Variants in CASD1 observed in about 807,000 individuals in gnomAD.
CASD1 encodes the protein N-acetylneuraminate (7)9-O-acetyltransferase.
In CASD1, 41 loss-of-function variants were observed where a neutral mutation model predicts 100.0. The observed-to-expected ratio is 0.41, with a 90% CI of 0.32 to 0.53. The LOEUF is 0.53. Among genes scored for constraint, CASD1 ranks in the 20% least tolerant of loss-of-function variants. The pLI is 0.25. For missense variants in CASD1, 774 were observed against 948.7 expected (o/e 0.82, Z 2.42); for synonymous variants, 321 against 315.6 (o/e 1.02, Z -0.18).
intron 9 of CASD1, 110 bp downstream of exon 9, chr7:94,538,004 G>A: frequency 1.5e-6 from 1 of 660,648 alleles, no homozygotes; most frequent in Non-Finnish European, 2.5e-6. Context: ...CAGGTATAGA[G>A]ATGAAGATGA....
the CASD1 span, among the ~76,000 whole-genome samples, chr7:94,579,239 A>AG: frequency 1.3e-5 from 2 of 151,848 alleles, no homozygotes; most frequent in South Asian, 4.2e-4. Context: ...AAAAAAGGAA[A>AG]GGGGGTATGT....
At chr7:94,633,684 G>A in the CASD1 span, among the ~76,000 whole-genome samples, 1 of 152,130 alleles carries the variant, frequency 6.6e-6, no homozygotes, top group Non-Finnish European at 1.5e-5. Flanking sequence ...TAATAGTCCA[G>A]TGGAAACTCT....
downstream of CASD1, among the ~76,000 whole-genome samples, chr7:94,559,963 A>G (rs1166465868): frequency 6.6e-6 from 1 of 152,208 alleles, no homozygotes. Context: ...AGCTTATACT[A>G]TCATTCAGTA....
the CASD1 span, chr7:94,585,562 G>T: frequency 2.3e-6 from 3 of 1,310,812 alleles, no homozygotes; most frequent in Non-Finnish European, 3.3e-6. Context: ...TCAGGGCATG[G>T]ATACTTTTAG....
chr7:94,624,402 A>G, the CASD1 span: 2 of 392,906 alleles, frequency 5.1e-6, no homozygotes, highest in East Asian at 7.2e-5. Flanking sequence ...AGAATTTTGA[A>G]ATAAATAATT....
At chr7:94,554,300 TC>T (rs1796099480) in intron 16 of CASD1, 182 bp from the exon 17 acceptor site, 3 of 478,406 alleles carry the variant, frequency 6.3e-6, no homozygotes, top group African/African-American at 1.9e-5. Flanking sequence ...TGTTGAGAAA[TC>T]CAGTTTGGGT....
the CASD1 span, among the ~76,000 whole-genome samples, chr7:94,609,289 G>A: frequency 5.9e-5 from 9 of 152,394 alleles, no homozygotes; most frequent in Non-Finnish European, 1.3e-4. Context: ...CACTTTTGGA[G>A]GCCAAGGTGG....
chr7:94,519,501 G>C (rs897306110), intron 3 of CASD1, among the ~76,000 whole-genome samples: 9 of 152,102 alleles, frequency 5.9e-5, no homozygotes, highest in Non-Finnish European at 1.3e-4. Flanking sequence ...TTCCATGTGA[G>C]AATGAGAATA....
downstream of CASD1, among the ~76,000 whole-genome samples, chr7:94,559,211 G>T (rs1035673008): frequency 6.6e-6 from 1 of 151,156 alleles, no homozygotes; most frequent in Non-Finnish European, 1.5e-5. Flanking sequence ...TATTTAACTG[G>T]CATTCAATGT....
In CASD1 at chr7:94,556,793, T is replaced by C. The variant is rs944257967; in HGVS notation, c.*1035T>C. On this transcript the variant is annotated 3_prime_UTR_variant, in exon 18 of 18. Transcript: ENST00000297273. ...TTTTGTTTGATTTTTTTTTACAAGC[T>C]AACTGTTAGAGGTATACATTTATTT... The C allele has an allele frequency of 3.3e-5, 5 of 152,054 alleles. No homozygotes were observed. The highest frequency in any genetic ancestry group is 5.9e-5 in the Non-Finnish European group (4 of 67,940). The allele number at this position is 152,054 out of a possible 1,614,324, so 9.4% of individuals were successfully genotyped here. A position where few individuals can be genotyped will look rare whatever the true frequency, so the allele number is the denominator to read the frequency against.
chr7:94,565,898 G>A, the CASD1 span, among the ~76,000 whole-genome samples: 1 of 152,180 alleles, frequency 6.6e-6, no homozygotes, highest in African/African-American at 2.4e-5. Context: ...GGTAGTCAGA[G>A]AATTGGGTAA....
the CASD1 span, among the ~76,000 whole-genome samples, chr7:94,630,398 A>G: frequency 1.3e-5 from 2 of 151,844 alleles, no homozygotes; most frequent in Non-Finnish European, 2.9e-5. Context: ...TTTTCTGGGT[A>G]TTCATTCCTC....
intron 1 of CASD1, 59 bp downstream of exon 1, chr7:94,510,276 T>G: frequency 1.6e-6 from 2 of 1,265,944 alleles, no homozygotes; most frequent in Non-Finnish European, 2.1e-6. Context: ...ACGCGGCGGC[T>G]GGAGGCCGCC....
chr7:94,542,688 A>G (rs983228855), intron 10 of CASD1, among the ~76,000 whole-genome samples: 2 of 152,210 alleles, frequency 1.3e-5, no homozygotes, highest in African/African-American at 2.4e-5. Flanking sequence ...TAAAGGTGGA[A>G]TGGATTGCCT....
At chr7:94,588,904 G>A in the CASD1 span, 1 of 675,482 alleles carries the variant, frequency 1.5e-6, no homozygotes, top group Non-Finnish European at 2.6e-6. Flanking sequence ...GAGGTCTGAG[G>A]AGAATAAAAA....
At chr7:94,614,107 C>CAAAAAAAAAAAAAAAAAAAAAAAAAAAA in the CASD1 span, among the ~76,000 whole-genome samples, 1 of 94,964 alleles carries the variant, frequency 1.1e-5, no homozygotes, top group Non-Finnish European at 2.0e-5. Context: ...AAATTGAAAT[C>CAAAAAAAAAAAAAAAAAAAAAAAAAAAA]AAAAAAAAAA....
At chr7:94,613,925 G>T in the CASD1 span, among the ~76,000 whole-genome samples, 3 of 151,818 alleles carry the variant, frequency 2.0e-5, no homozygotes, top group African/African-American at 7.3e-5. Flanking sequence ...CAATCAAAAA[G>T]TAAGATACAA....
At chr7:94,587,855 T>TGAAAACATCCAAC in the CASD1 span, 1 of 1,527,302 alleles carries the variant, frequency 6.5e-7, no homozygotes, top group Non-Finnish European at 8.8e-7. Flanking sequence ...AATTTCTGAA[T>TGAAAACATCCAAC]GAAAACATCC....
chr7:94,599,611 A>T, the CASD1 span: 1 of 1,011,532 alleles, frequency 9.9e-7, no homozygotes, highest in South Asian at 1.4e-5. Flanking sequence ...AATGAAAAAA[A>T]GCTTGACACA....
Sources: allele counts gnomAD v4.1 joint callset (sites outside exome capture counted in the v4.1 genomes callset), GRCh38; gene constraint gnomAD v4.1.1; transcripts MANE v1.5; gene names NCBI Gene and HGNC (gene_info 2026-07-23, HGNC 2026-07-21).